CDK15: variants seen among roughly 807,000 people sequenced by gnomAD.
CDK15 encodes the protein cyclin dependent kinase 15, also known as cyclin-dependent kinase 15.
A neutral mutation model predicts 60.3 loss-of-function variants in CDK15; 62 were observed. The ratio of observed to expected loss-of-function variants is 1.03; its 90% CI spans 0.84 to 1.27. CDK15 has a LOEUF of 1.27. Among genes scored for constraint, CDK15 ranks in the 50% most tolerant of loss-of-function variants. The pLI, the probability that CDK15 is intolerant of heterozygous loss-of-function variation, is 0.00. For synonymous variants in CDK15, 194 were observed against 195.7 expected, an observed-to-expected ratio of 0.99 and a Z score of 0.07; for missense variants, 541 against 527.8, an observed-to-expected ratio of 1.03 and a Z score of -0.25.
chr2:201,889,223 G>A (rs1699559221), intron 12 of CDK15: 1 of 985,418 alleles, frequency 1.0e-6, no homozygotes, highest in South Asian at 4.7e-5. Flanking sequence ...AGTAATAACA[G>A]AAGGCTCTCT....
rs1242756388 is a variant in CDK15, at chr2:201,806,788, G to T, written c.123+1G>T. On this transcript the variant is annotated splice_donor_variant, in intron 1 of 13. Transcript: ENST00000652192. LOFTEE classifies it high-confidence loss of function. The stretch of plus-strand genomic sequence containing the variant: ...TGAGACCACGGAGGCTGCGTTCAAG[G>T]TATTTGTATCCCAGGAGAGAGCATC... 27 of 1,598,152 alleles carry T rather than the reference G, an allele frequency of 1.7e-5. No individual in the cohort carries two copies. The highest frequency in any genetic ancestry group is 2.3e-5 in the Non-Finnish European group (27 of 1,179,552).
At chr2:201,820,691 T>A (rs1478522437) in intron 4 of CDK15, among the ~76,000 whole-genome samples, 1 of 152,096 alleles carries the variant, frequency 6.6e-6, no homozygotes, top group Non-Finnish European at 1.5e-5. Context: ...CTGAGTGTGG[T>A]ACTAGGTGGT....
chr2:201,888,550 A>G, intron 12 of CDK15: 2 of 1,489,770 alleles, frequency 1.3e-6, no homozygotes, highest in Non-Finnish European at 1.8e-6. Context: ...GAGATTGCTG[A>G]AGGAGAGCCG....
intron 4 of CDK15, among the ~76,000 whole-genome samples, chr2:201,813,527 G>A (rs1695864001): frequency 1.3e-5 from 2 of 152,272 alleles, no homozygotes; most frequent in East Asian, 1.9e-4. Context: ...CATGCTATAT[G>A]CAGAGTATGC....
chr2:201,860,078 C>T (rs1320680141), intron 10 of CDK15, among the ~76,000 whole-genome samples: 1 of 152,200 alleles, frequency 6.6e-6, no homozygotes, highest in Admixed American at 6.5e-5. Flanking sequence ...TCATCCAACT[C>T]CTTTTGCTCC....
intron 9 of CDK15, among the ~76,000 whole-genome samples, chr2:201,854,123 G>A (rs903638123): frequency 6.2e-4 from 95 of 152,010 alleles, no homozygotes; most frequent in Non-Finnish European, 8.5e-4. Flanking sequence ...GCAGTGAGCC[G>A]AGATCGCATC....
At chr2:201,818,539 C>T (rs1351507600) in intron 4 of CDK15, among the ~76,000 whole-genome samples, 2 of 152,100 alleles carry the variant, frequency 1.3e-5, no homozygotes, top group East Asian at 1.9e-4. Context: ...GAAAGAAAGA[C>T]CTTGTCTTCC....
chr2:201,813,749 GA>G (rs1031274346), intron 4 of CDK15, among the ~76,000 whole-genome samples: 1 of 152,170 alleles, frequency 6.6e-6, no homozygotes, highest in Non-Finnish European at 1.5e-5. Flanking sequence ...AAGCAATTCA[GA>G]AAATGAGTTT....
intron 11 of CDK15, among the ~76,000 whole-genome samples, chr2:201,875,667 A>T (rs1429967259): frequency 6.6e-6 from 1 of 152,234 alleles, no homozygotes; most frequent in Non-Finnish European, 1.5e-5. Flanking sequence ...TTATGGGAAG[A>T]TGATCAAGGT....
At chr2:201,876,771 T>A (rs1395253233) in intron 11 of CDK15, among the ~76,000 whole-genome samples, 2 of 152,086 alleles carry the variant, frequency 1.3e-5, no homozygotes, top group South Asian at 2.1e-4. Flanking sequence ...ATTCACCTGG[T>A]TTAAAAAAAA....
At chr2:201,864,289 C>T (rs966207963) in intron 10 of CDK15, among the ~76,000 whole-genome samples, 2 of 151,926 alleles carry the variant, frequency 1.3e-5, no homozygotes, top group Non-Finnish European at 2.9e-5. Flanking sequence ...GGGAAATGGC[C>T]CTCTTAATTT....
intron 8 of CDK15, among the ~76,000 whole-genome samples, chr2:201,846,757 A>G (rs1314044070): frequency 6.6e-6 from 1 of 152,148 alleles, no homozygotes; most frequent in Non-Finnish European, 1.5e-5. Flanking sequence ...GCATCATCAA[A>G]TTCTTAATAT....
intron 6 of CDK15, among the ~76,000 whole-genome samples, chr2:201,827,822 G>A (rs568052459): frequency 1.3e-5 from 2 of 152,282 alleles, no homozygotes; most frequent in African/African-American, 2.4e-5. Flanking sequence ...ACAAGTGACC[G>A]GGAACCTGAC....
In CDK15 at chr2:201,885,622, G is replaced by A. The variant is rs116317754; in HGVS notation, c.1199-5163G>A. ...GCATAGCATTGTGTTGCTGGGAGAA[G>A]TCTGGGAAAACCAAGTCCCTCAGCC... On this transcript the variant is annotated intron_variant, in intron 12 of 13. Coordinates refer to ENST00000652192, the MANE Select transcript of CDK15 (RefSeq NM_001366386.2). Among the ~76,000 whole-genome samples, 520 of 152,306 alleles carry A rather than the reference G, an allele frequency of 3.4e-3. 2 individuals carry two copies. The highest frequency in any genetic ancestry group is 8.2e-3 in the African/African-American group (340 of 41,568).
chr2:201,857,578 G>T (rs1698199828), intron 10 of CDK15, among the ~76,000 whole-genome samples: 1 of 152,134 alleles, frequency 6.6e-6, no homozygotes, highest in Non-Finnish European at 1.5e-5. Context: ...GTGCTCATTT[G>T]TGAGCCCTGC....
chr2:201,832,685 T>G (rs1202169857), intron 6 of CDK15, among the ~76,000 whole-genome samples: 1 of 152,268 alleles, frequency 6.6e-6, no homozygotes, highest in Non-Finnish European at 1.5e-5. Flanking sequence ...GCTGCAGGTA[T>G]GCTATGGTAG....
intron 6 of CDK15, among the ~76,000 whole-genome samples, chr2:201,832,125 A>C (rs1696783401): frequency 6.6e-6 from 1 of 150,722 alleles, no homozygotes; most frequent in Admixed American, 6.6e-5. Flanking sequence ...GGCTCACTGC[A>C]ACCTCTGCCT....
intron 4 of CDK15, among the ~76,000 whole-genome samples, chr2:201,822,159 C>G (rs1172151986): frequency 6.6e-6 from 1 of 152,202 alleles, no homozygotes; most frequent in African/African-American, 2.4e-5. Context: ...CAAGAGAAAG[C>G]CCTCAGCCTT....
chr2:201,854,948 T>C lies in CDK15; in HGVS notation c.1009+11T>C. ...CTAACTACAATCCAGGTAATATTGATCTGAGCTTCTGAATACTCTGAGAAT... is the reference window on the plus strand; with the variant it reads ...CTAACTACAATCCAGGTAATATTGACCTGAGCTTCTGAATACTCTGAGAAT... On this transcript the variant is annotated intron_variant, in intron 10 of 13. Coordinates refer to ENST00000652192, the MANE Select transcript of CDK15 (RefSeq NM_001366386.2). 1.9e-6 allele frequency: 3 copies of C among 1,612,682 alleles called. No individual in the cohort carries two copies. The highest frequency in any genetic ancestry group is 2.5e-6 in the Non-Finnish European group (3 of 1,178,706).
Sources: allele counts gnomAD v4.1 joint callset (sites outside exome capture counted in the v4.1 genomes callset), GRCh38; gene constraint gnomAD v4.1.1; transcripts MANE v1.5; gene names NCBI Gene and HGNC (gene_info 2026-07-23, HGNC 2026-07-21).